The following FGF13 variants were observed in gnomAD, a reference collection of about 807,000 sequenced individuals.
FGF13 encodes the protein fibroblast growth factor 13, also known as fibroblast growth factor homologous factor 2.
A neutral mutation model predicts 19.5 loss-of-function variants in FGF13; 2 were observed. The observed-to-expected ratio is 0.10, with a 90% CI of 0.04 to 0.32. The LOEUF (loss-of-function observed/expected upper bound fraction) is 0.32. FGF13 is among the 10% of genes least tolerant of loss of function. The probability of loss-of-function intolerance (pLI) is 1.00; values close to 1 mark genes in which losing one functional copy is unlikely to be tolerated. For synonymous variants in FGF13, 72 were observed against 76.9 expected, an observed-to-expected ratio of 0.94 and a Z score of 0.33; for missense variants, 113 against 192.7, an observed-to-expected ratio of 0.59 and a Z score of 2.45.
intron 1 of FGF13, among the ~76,000 whole-genome samples, chrX:139,046,378 C>G (rs183903562): frequency 1.8e-4 from 20 of 111,717 alleles, no homozygotes; most frequent in Non-Finnish European, 3.4e-4. Flanking sequence ...TATAATTCAA[C>G]ATGAGATTTT....
chrX:139,147,069 T>C (rs778645439), intron 1 of FGF13, among the ~76,000 whole-genome samples: 10 of 110,130 alleles, frequency 9.1e-5, no homozygotes, highest in African/African-American at 3.3e-4. Context: ...TATACATATG[T>C]AACAAACCTG....
chrX:138,819,909 A>G (rs183312674), intron 3 of FGF13, among the ~76,000 whole-genome samples: 75 of 111,922 alleles, frequency 6.7e-4, no homozygotes, highest in Non-Finnish European at 1.1e-3. Context: ...TCAGAAAAAA[A>G]CAACAAGTTA....
intron 1 of FGF13, among the ~76,000 whole-genome samples, chrX:138,990,870 G>T (rs906892069): frequency 4.5e-5 from 5 of 112,225 alleles, no homozygotes; most frequent in Admixed American, 9.4e-5. Context: ...GTAGGCACAT[G>T]TAGACAGCCT....
At chrX:138,827,083 C>G (rs1429535988) in intron 3 of FGF13, among the ~76,000 whole-genome samples, 2 of 112,316 alleles carry the variant, frequency 1.8e-5, no homozygotes, top group Non-Finnish European at 3.8e-5. Flanking sequence ...AAGGAAAAGT[C>G]TGCCAGCTAC....
chrX:139,186,600 C>T (rs774138736), intron 1 of FGF13, among the ~76,000 whole-genome samples: 116 of 111,826 alleles, frequency 1.0e-3, no homozygotes, highest in African/African-American at 3.3e-3. Context: ...AACTCTTCAT[C>T]CTCATACACA....
Position 138,928,740 on chromosome X carries a change from T to G in FGF13, c.-112-64090A>C, listed in dbSNP as rs771924765. Among the ~76,000 whole-genome samples the G allele has an allele frequency of 2.7e-5, 3 of 112,170 alleles. No individual in the cohort carries two copies. The South Asian group carries it at 1.1e-3, about 42-fold the overall frequency. On this transcript the variant is annotated intron_variant, in intron 1 of 2. Coordinates refer to the FGF13 transcript ENST00000421460. Reference sequence around the variant, plus strand: ...CACCTCCTCACTGATGACAAGAATTTTGTCTACAGTTTCTCTGCAACTTAG... The same window carrying G: ...CACCTCCTCACTGATGACAAGAATTGTGTCTACAGTTTCTCTGCAACTTAG...
At chrX:139,200,993 C>T (rs915959055) in intron 1 of FGF13, among the ~76,000 whole-genome samples, 4 of 111,961 alleles carry the variant, frequency 3.6e-5, no homozygotes, top group Admixed American at 9.5e-5. Context: ...GTCCAAGAGC[C>T]GCGTGACTCA....
chrX:139,104,050 C>T (rs896034359), intron 1 of FGF13, among the ~76,000 whole-genome samples: 4 of 111,206 alleles, frequency 3.6e-5, no homozygotes, highest in East Asian at 2.9e-4. Flanking sequence ...TGCAAAATGG[C>T]GGCAATGGTA....
chrX:138,929,854 CTGTGTG>C (rs577806507), intron 1 of FGF13, among the ~76,000 whole-genome samples: 3,930 of 96,101 alleles, frequency 0.041, 178 homozygotes, highest in African/African-American at 0.11. Context: ...ACTGCCTTAG[CTGTGTG>C]TGTGTGTGTG....
chrX:139,127,174 C>A (rs747099849), intron 1 of FGF13, among the ~76,000 whole-genome samples: 1 of 111,679 alleles, frequency 9.0e-6, no homozygotes, highest in East Asian at 2.8e-4. Context: ...TTAGGCCTCA[C>A]CTTCCTTATT....
intron 1 of FGF13, among the ~76,000 whole-genome samples, chrX:139,089,695 A>G (rs2083427586): frequency 8.9e-6 from 1 of 112,232 alleles, no homozygotes; most frequent in South Asian, 3.7e-4. Flanking sequence ...CATCATCTAT[A>G]AAATGAAGAT....
intron 3 of FGF13, among the ~76,000 whole-genome samples, chrX:138,846,043 A>T (rs1024603184): frequency 1.8e-5 from 2 of 111,090 alleles, no homozygotes; most frequent in Non-Finnish European, 3.8e-5. Context: ...TATCCCATAG[A>T]GGGCTGTGAT....
At chrX:139,091,815 G>T (rs975174876) in intron 1 of FGF13, among the ~76,000 whole-genome samples, 4 of 110,920 alleles carry the variant, frequency 3.6e-5, no homozygotes, top group Non-Finnish European at 1.9e-5. Context: ...CTGGAAATGA[G>T]CGCACATGAA....
chrX:138,640,594 G>C (rs1431852255), intron 3 of FGF13, among the ~76,000 whole-genome samples: 2 of 111,500 alleles, frequency 1.8e-5, no homozygotes, highest in African/African-American at 6.5e-5. Flanking sequence ...AGCCAAGTAA[G>C]GACCATGTCA....
At chrX:138,955,575 A>C (rs1035216175) in intron 1 of FGF13, among the ~76,000 whole-genome samples, 2 of 112,233 alleles carry the variant, frequency 1.8e-5, no homozygotes, top group African/African-American at 6.5e-5. Flanking sequence ...GCCATGATTC[A>C]AATTCATGTC....
At chrX:139,077,848 G>A (rs1333417451) in intron 1 of FGF13, among the ~76,000 whole-genome samples, 1 of 111,491 alleles carries the variant, frequency 9.0e-6, no homozygotes, top group Non-Finnish European at 1.9e-5. Context: ...TGAAAGCAGG[G>A]CTATCGTGTT....
chrX:138,810,480 C>T (rs2090913584), intron 3 of FGF13, among the ~76,000 whole-genome samples: 1 of 111,597 alleles, frequency 9.0e-6, no homozygotes, highest in East Asian at 2.8e-4. Flanking sequence ...AGACCTAAAA[C>T]CATAAAAACC....
intron 3 of FGF13, among the ~76,000 whole-genome samples, chrX:138,831,311 A>T (rs775622637): frequency 3.6e-5 from 4 of 111,050 alleles, no homozygotes; most frequent in Non-Finnish European, 5.7e-5. Context: ...GAGAAAGGCA[A>T]CCTCAGAGAA....
rs1429669100 is a variant in FGF13, at chrX:138,886,244, C to G, written c.-112-21594G>C. The stretch of plus-strand genomic sequence containing the variant: ...AAAGACCAAAGCCCCTACCCCCACC[C>G]CAATGAGCTGCATCTGAACAGAAAT... On this transcript the variant is annotated intron_variant, in intron 1 of 2. Coordinates refer to the FGF13 transcript ENST00000421460. Among the ~76,000 whole-genome samples, 5 of 111,867 alleles carry G rather than the reference C, an allele frequency of 4.5e-5. No individual in the cohort carries two copies. In the East Asian group the frequency reaches 1.1e-3, roughly 25 times the overall value.
Sources: allele counts gnomAD v4.1 joint callset (sites outside exome capture counted in the v4.1 genomes callset), GRCh38; gene constraint gnomAD v4.1.1; transcripts MANE v1.5; gene names NCBI Gene and HGNC (gene_info 2026-07-23, HGNC 2026-07-21).